LPP: variants seen among roughly 807,000 people sequenced by gnomAD.
The protein encoded by LPP is LIM domain containing preferred translocation partner in lipoma.
LPP carries 38 observed loss-of-function variants against 60.4 expected under a neutral mutation model. The ratio of observed to expected loss-of-function variants is 0.63; its 90% confidence interval spans 0.49 to 0.83. The LOEUF is 0.83. Among genes scored for constraint, LPP ranks in the 40% least tolerant of loss-of-function variants. LPP has a pLI of 0.00. For missense variants in LPP, 902 were observed against 783.6 expected (o/e 1.15, Z -1.80); for synonymous variants, 328 against 290.8 (o/e 1.13, Z -1.30).
intron 2 of LPP, among the ~76,000 whole-genome samples, chr3:188,326,820 T>G (rs1052703584): frequency 6.6e-6 from 1 of 152,192 alleles, no homozygotes; most frequent in Non-Finnish European, 1.5e-5. Context: ...TGTTTCCTGC[T>G]TGTATTCTAT....
chr3:188,233,394 T>C (rs1720775154), intron 2 of LPP, among the ~76,000 whole-genome samples: 2 of 152,252 alleles, frequency 1.3e-5, no homozygotes, highest in African/African-American at 2.4e-5. Context: ...CTCTGGGACC[T>C]GCTCAGCTCT....
At chr3:188,541,275 T>C (rs372696143) in intron 6 of LPP, among the ~76,000 whole-genome samples, 51 of 152,306 alleles carry the variant, frequency 3.3e-4, no homozygotes, top group African/African-American at 1.2e-3. Context: ...TTCAATTCAG[T>C]AGGGCTGGAG....
At chr3:188,866,829 C>G (rs1352716725) in intron 10 of LPP, among the ~76,000 whole-genome samples, 2 of 152,134 alleles carry the variant, frequency 1.3e-5, no homozygotes, top group Non-Finnish European at 2.9e-5. Context: ...TCTGTGCATC[C>G]CTGCCACTCT....
chr3:188,448,466 C>T (rs1056774492), intron 4 of LPP, among the ~76,000 whole-genome samples: 2 of 151,398 alleles, frequency 1.3e-5, no homozygotes, highest in Non-Finnish European at 2.9e-5. Flanking sequence ...AGATAAAGAT[C>T]TATATTTAGA....
At chr3:188,380,822 TTTA>T (rs1776684277) in intron 3 of LPP, among the ~76,000 whole-genome samples, 1 of 152,200 alleles carries the variant, frequency 6.6e-6, no homozygotes, top group South Asian at 2.1e-4. Flanking sequence ...ATATTGAACT[TTTA>T]TTGAGTATTT....
In LPP at chr3:188,876,052, A is replaced by C. The variant is rs1769214226; in HGVS notation, c.*1573A>C. The C allele has an allele frequency of 5.3e-6, 1 of 188,590 alleles. No homozygotes were observed. The highest frequency in any genetic ancestry group is 2.3e-5 in the African/African-American group (1 of 42,880). The allele number at this position is 188,590 out of a possible 1,614,324, so 11.7% of individuals were successfully genotyped here. A position where few individuals can be genotyped will look rare whatever the true frequency, so the allele number is the denominator to read the frequency against. On this transcript the variant is annotated 3_prime_UTR_variant, in exon 12 of 12. Transcript: ENST00000617246. Reference sequence around the variant, plus strand: ...GTTTAAGACACCAAATATAACAAGTATAATTACATCCTCCAATGTACCGTT... The same window carrying C: ...GTTTAAGACACCAAATATAACAAGTCTAATTACATCCTCCAATGTACCGTT...
chr3:188,587,453 T>C (rs1837724989), intron 6 of LPP, among the ~76,000 whole-genome samples: 2 of 152,172 alleles, frequency 1.3e-5, no homozygotes, highest in Admixed American at 1.3e-4. Context: ...ATGTTGTTAC[T>C]ACACTCCATG....
At chr3:188,228,172 C>T (rs1448818308) in intron 2 of LPP, among the ~76,000 whole-genome samples, 1 of 152,194 alleles carries the variant, frequency 6.6e-6, no homozygotes, top group Non-Finnish European at 1.5e-5. Context: ...TGATGGCCAA[C>T]CAAGAAGTGT....
At chr3:188,556,530 C>T (rs1400652626) in intron 6 of LPP, among the ~76,000 whole-genome samples, 4 of 151,830 alleles carry the variant, frequency 2.6e-5, no homozygotes, top group Non-Finnish European at 5.9e-5. Context: ...CTTATATTTC[C>T]TTCTTACCCT....
chr3:188,369,494 G>T (rs1772358098), intron 3 of LPP, among the ~76,000 whole-genome samples: 1 of 152,022 alleles, frequency 6.6e-6, no homozygotes, highest in Non-Finnish European at 1.5e-5. Flanking sequence ...CATAATTCTT[G>T]TCTTGTCAAC....
chr3:188,578,732 G>A (rs770167820), intron 6 of LPP, among the ~76,000 whole-genome samples: 15 of 151,682 alleles, frequency 9.9e-5, no homozygotes, highest in African/African-American at 2.9e-4. Context: ...TCATCCGTCC[G>A]ACCCTCTCTC....
intron 7 of LPP, among the ~76,000 whole-genome samples, chr3:188,682,186 T>G (rs1859682078): frequency 6.6e-6 from 1 of 152,232 alleles, no homozygotes; most frequent in South Asian, 2.1e-4. Flanking sequence ...TTCTATTTCC[T>G]TATTCTCTCC....
At chr3:188,513,324 T>A (rs1816365879) in intron 5 of LPP, among the ~76,000 whole-genome samples, 1 of 152,190 alleles carries the variant, frequency 6.6e-6, no homozygotes, top group Non-Finnish European at 1.5e-5. Context: ...GCAGTGGTTT[T>A]TAAACTATTA....
chr3:188,835,302 CAA>C (rs11354742), intron 9 of LPP, among the ~76,000 whole-genome samples: 4,550 of 125,910 alleles, frequency 0.036, 210 homozygotes, highest in African/African-American at 0.12. Context: ...ACTAAAAATA[CAA>C]AAAAAAAAAA....
intron 4 of LPP, among the ~76,000 whole-genome samples, chr3:188,466,424 T>A (rs1233359299): frequency 6.6e-6 from 1 of 152,030 alleles, no homozygotes; most frequent in Non-Finnish European, 1.5e-5. Context: ...AGTCATAGAA[T>A]CATAAACCAT....
intron 1 of LPP, among the ~76,000 whole-genome samples, chr3:188,170,315 T>G (rs1175732323): frequency 2.8e-5 from 4 of 141,456 alleles, no homozygotes; most frequent in African/African-American, 1.1e-4. Context: ...TCTCAGTTTC[T>G]TTTCTTTTCT....
chr3:188,320,550 G>A (rs983315906), intron 2 of LPP, among the ~76,000 whole-genome samples: 3 of 152,148 alleles, frequency 2.0e-5, no homozygotes, highest in Admixed American at 6.5e-5. Flanking sequence ...AACGGAACTC[G>A]CCCATTCCTG....
chr3:188,250,079 A>G (rs1347375028), intron 2 of LPP, among the ~76,000 whole-genome samples: 1 of 152,098 alleles, frequency 6.6e-6, no homozygotes, highest in East Asian at 1.9e-4. Context: ...TACTGTCTGT[A>G]CTTCTCCTTT....
At chr3:188,638,213 T>C (rs1308846182) in intron 7 of LPP, among the ~76,000 whole-genome samples, 8 of 140,050 alleles carry the variant, frequency 5.7e-5, no homozygotes, top group Non-Finnish European at 4.7e-5. Context: ...GTTCAATATA[T>C]GCAAATCAAT....
Sources: allele counts gnomAD v4.1 joint callset (sites outside exome capture counted in the v4.1 genomes callset), GRCh38; gene constraint gnomAD v4.1.1; transcripts MANE v1.5; gene names NCBI Gene and HGNC (gene_info 2026-07-23, HGNC 2026-07-21).